Variants in ENTREP2 observed in about 807,000 individuals in gnomAD.
ENTREP2 encodes endosomal transmembrane epsin interactor 2.
At chr15:29,255,528 A>G in the ENTREP2 span, among the ~76,000 whole-genome samples, 1 of 152,178 alleles carries the variant, frequency 6.6e-6, no homozygotes, top group South Asian at 2.1e-4. Flanking sequence ...GTATATACCC[A>G]AAGGAAAATA....
At chr15:29,446,006 G>T in the ENTREP2 span, among the ~76,000 whole-genome samples, 1 of 152,178 alleles carries the variant, frequency 6.6e-6, no homozygotes, top group African/African-American at 2.4e-5. Context: ...CTAAATTATT[G>T]AGAGTGAGGG....
chr15:29,340,990 C>T, the ENTREP2 span, among the ~76,000 whole-genome samples: 1 of 152,194 alleles, frequency 6.6e-6, no homozygotes, highest in African/African-American at 2.4e-5. Context: ...CATGGGAGAG[C>T]TGGGACACAC....
the ENTREP2 span, among the ~76,000 whole-genome samples, chr15:29,173,636 G>A: frequency 6.6e-6 from 1 of 152,082 alleles, no homozygotes; most frequent in Non-Finnish European, 1.5e-5. Flanking sequence ...GTTCTGAATC[G>A]GGGGGAGATG....
the ENTREP2 span, among the ~76,000 whole-genome samples, chr15:29,645,924 GGGTACT>G: frequency 2.6e-5 from 4 of 152,198 alleles, no homozygotes; most frequent in African/African-American, 9.6e-5. Flanking sequence ...TATTGATTCT[GGGTACT>G]AGAATAAGAC....
chr15:29,250,224 C>A, the ENTREP2 span, among the ~76,000 whole-genome samples: 23 of 152,112 alleles, frequency 1.5e-4, no homozygotes, highest in African/African-American at 5.3e-4. Context: ...ATTGCTGACT[C>A]CAAATCCAGT....
At chr15:29,300,991 AAAG>A in the ENTREP2 span, among the ~76,000 whole-genome samples, 1 of 152,234 alleles carries the variant, frequency 6.6e-6, no homozygotes, top group African/African-American at 2.4e-5. Context: ...GTGTTTTCTG[AAAG>A]AAGTAAAAAA....
At chr15:29,556,908 C>G in the ENTREP2 span, among the ~76,000 whole-genome samples, 2 of 152,156 alleles carry the variant, frequency 1.3e-5, no homozygotes, top group African/African-American at 4.8e-5. Flanking sequence ...ACCTCAGGCC[C>G]CAGAGCGCTC....
At chr15:29,295,007 C>T in the ENTREP2 span, among the ~76,000 whole-genome samples, 217 of 152,238 alleles carry the variant, frequency 1.4e-3, no homozygotes, top group African/African-American at 4.9e-3. Flanking sequence ...AGAGCCCAGG[C>T]ACTGAGAGAA....
chr15:29,325,999 A>C, the ENTREP2 span, among the ~76,000 whole-genome samples: 74 of 152,262 alleles, frequency 4.9e-4, no homozygotes, highest in African/African-American at 1.6e-3. Flanking sequence ...ATATCACATC[A>C]ATTGATGCAG....
chr15:29,317,095 T>C, the ENTREP2 span, among the ~76,000 whole-genome samples: 29 of 152,188 alleles, frequency 1.9e-4, no homozygotes, highest in Admixed American at 1.9e-3. Context: ...AAATAAAGAA[T>C]GAAGCCTTTT....
At chr15:29,448,773 G>T in the ENTREP2 span, among the ~76,000 whole-genome samples, 25 of 152,170 alleles carry the variant, frequency 1.6e-4, no homozygotes, top group Non-Finnish European at 2.9e-4. Flanking sequence ...TGCTCAACCA[G>T]GTGAATCAAA....
At chr15:29,177,468 T>C in the ENTREP2 span, among the ~76,000 whole-genome samples, 3 of 152,248 alleles carry the variant, frequency 2.0e-5, no homozygotes, top group Non-Finnish European at 4.4e-5. Context: ...TTTTCAGGAA[T>C]ATATTCTTTG....
chr15:29,427,539 C>G, the ENTREP2 span, among the ~76,000 whole-genome samples: 2 of 152,168 alleles, frequency 1.3e-5, no homozygotes, highest in Non-Finnish European at 2.9e-5. Flanking sequence ...CTTGCCTTCT[C>G]CAGCTTCCAG....
chr15:29,178,134 T>C, the ENTREP2 span, among the ~76,000 whole-genome samples: 4 of 151,144 alleles, frequency 2.6e-5, no homozygotes, highest in Non-Finnish European at 5.9e-5. Context: ...TCTACAAATA[T>C]AAAAATAAAA....
the ENTREP2 span, among the ~76,000 whole-genome samples, chr15:29,506,507 A>G: frequency 6.6e-6 from 1 of 152,334 alleles, no homozygotes; most frequent in Non-Finnish European, 1.5e-5. Flanking sequence ...GCAGCCAGAG[A>G]GAAAGGTCGA....
chr15:29,384,274 T>G, the ENTREP2 span, among the ~76,000 whole-genome samples: 1 of 152,164 alleles, frequency 6.6e-6, no homozygotes, highest in Non-Finnish European at 1.5e-5. Context: ...TCAAAATTTC[T>G]GACCATAATG....
At chr15:29,448,923 G>C in the ENTREP2 span, among the ~76,000 whole-genome samples, 1 of 152,140 alleles carries the variant, frequency 6.6e-6, no homozygotes, top group Non-Finnish European at 1.5e-5. Context: ...CTGATTCCAA[G>C]AACACATTTC....
chr15:29,321,885 C>T, the ENTREP2 span, among the ~76,000 whole-genome samples: 1 of 151,854 alleles, frequency 6.6e-6, no homozygotes, highest in Non-Finnish European at 1.5e-5. Flanking sequence ...GGCTTAATAC[C>T]TAGGTGATGG....
At chr15:29,200,377 T>C in the ENTREP2 span, among the ~76,000 whole-genome samples, 21 of 152,236 alleles carry the variant, frequency 1.4e-4, no homozygotes, top group Middle Eastern at 3.4e-3. Flanking sequence ...GGTTTTGCCA[T>C]GTTGGCCAGG....
Sources: gnomAD v4.1 joint callset for allele counts (sites outside exome capture counted in the v4.1 genomes callset) on GRCh38, gnomAD v4.1.1 for gene constraint, MANE v1.5 for transcripts, NCBI Gene and HGNC (gene_info 2026-07-23, HGNC 2026-07-21) for gene names.